RGS6: variants seen among roughly 807,000 people sequenced by gnomAD.
RGS6 encodes regulator of G protein signaling 6, also known as regulator of G-protein signaling 6.
In RGS6, 30 loss-of-function variants were observed where a neutral mutation model predicts 78.5. The observed-to-expected ratio is 0.38, with a 90% confidence interval of 0.29 to 0.52. The LOEUF is 0.52. Ranked by LOEUF, RGS6 falls within the 20% of genes least tolerant of loss-of-function variation. The pLI, the probability that RGS6 is intolerant of heterozygous loss-of-function variation, is 0.85. For missense variants in RGS6, 495 were observed against 609.7 expected (o/e 0.81, Z 1.98); for synonymous variants, 206 against 206.0 (o/e 1.00, Z 0.00).
intron 2 of RGS6, among the ~76,000 whole-genome samples, chr14:72,266,971 A>G (rs1220257051): frequency 6.6e-6 from 1 of 150,994 alleles, no homozygotes; most frequent in African/African-American, 2.4e-5. Context: ...TATACTACCC[A>G]TGAGCTAAGC....
intron 1 of RGS6, among the ~76,000 whole-genome samples, chr14:71,940,782 C>A (rs1328252893): frequency 2.0e-5 from 3 of 152,182 alleles, no homozygotes; most frequent in Non-Finnish European, 4.4e-5. Flanking sequence ...GCAGGTGCTG[C>A]CCTCCCAAGT....
At chr14:72,598,984 G>C in the RGS6 span, among the ~76,000 whole-genome samples, 1 of 151,878 alleles carries the variant, frequency 6.6e-6, no homozygotes, top group Non-Finnish European at 1.5e-5. Flanking sequence ...GGCATTGGGA[G>C]ACCCAGTGCA....
chr14:72,575,447 G>C, the RGS6 span, among the ~76,000 whole-genome samples: 1 of 152,092 alleles, frequency 6.6e-6, no homozygotes, highest in Non-Finnish European at 1.5e-5. Context: ...AGGGTGAGGA[G>C]AGGATAGGAC....
chr14:72,237,321 A>G (rs976887797), intron 2 of RGS6, among the ~76,000 whole-genome samples: 4 of 152,156 alleles, frequency 2.6e-5, no homozygotes, highest in Non-Finnish European at 5.9e-5. Flanking sequence ...GTTCTTATGC[A>G]AGTCTTTTTG....
rs1227342445 is a variant in RGS6 at position 72,297,728 on chromosome 14, T to G, written c.85-54367T>G. Among the ~76,000 whole-genome samples the G allele has an allele frequency of 5.3e-5, 8 of 151,776 alleles. No homozygotes were observed. The South Asian group carries it at 1.7e-3, about 32-fold the overall frequency. ...CTGAGAATGATGATTTCCAGGGACATGGATGAAATTGGAAATCATCATTCT... is the reference window on the plus strand; with the variant it reads ...CTGAGAATGATGATTTCCAGGGACAGGGATGAAATTGGAAATCATCATTCT... On this transcript the variant is annotated intron_variant, in intron 2 of 17. Coordinates refer to ENST00000553525, the MANE Select transcript of RGS6 (RefSeq NM_001204424.2).
At chr14:72,056,820 T>C (rs1315057410) in intron 2 of RGS6, among the ~76,000 whole-genome samples, 6 of 152,196 alleles carry the variant, frequency 3.9e-5, no homozygotes, top group Non-Finnish European at 8.8e-5. Context: ...CAATAAACTT[T>C]TAAGTTTAAT....
intron 2 of RGS6, among the ~76,000 whole-genome samples, chr14:72,154,049 C>T (rs556836962): frequency 2.4e-4 from 37 of 152,180 alleles, no homozygotes; most frequent in Non-Finnish European, 3.5e-4. Context: ...TTATAGACCT[C>T]GCCCCAGGAA....
intron 2 of RGS6, among the ~76,000 whole-genome samples, chr14:72,340,184 T>C (rs1170050477): frequency 6.6e-6 from 1 of 152,138 alleles, no homozygotes; most frequent in African/African-American, 2.4e-5. Flanking sequence ...GCTTATAAAT[T>C]GTGAGGAGAG....
At chr14:72,278,348 A>G (rs981952697) in intron 2 of RGS6, among the ~76,000 whole-genome samples, 1 of 152,342 alleles carries the variant, frequency 6.6e-6, no homozygotes, top group South Asian at 2.1e-4. Context: ...TTGGGGAGGC[A>G]GATGAGAAGA....
chr14:71,902,330 A>G, the RGS6 span, among the ~76,000 whole-genome samples: 79,685 of 152,072 alleles, frequency 0.52, 23,991 homozygotes, highest in Non-Finnish European at 0.67. Context: ...GTAACTCACT[A>G]TTTCCATAGT....
intron 1 of RGS6, among the ~76,000 whole-genome samples, chr14:71,944,219 T>C (rs2091122784): frequency 6.6e-6 from 1 of 152,240 alleles, no homozygotes; most frequent in African/African-American, 2.4e-5. Context: ...CATATGGTTG[T>C]GGGCTGATCT....
chr14:71,982,908 A>T (rs2094531341), intron 2 of RGS6, among the ~76,000 whole-genome samples: 1 of 152,206 alleles, frequency 6.6e-6, no homozygotes, highest in Non-Finnish European at 1.5e-5. Context: ...AGAACCCCAG[A>T]ACATTGGCCT....
intron 6 of RGS6, among the ~76,000 whole-genome samples, 180 bp from the exon 7 acceptor site, chr14:72,465,550 CTGGATGGATGGATGGATGGATGGATGGA>C (rs563552344): frequency 9.1e-6 from 1 of 110,308 alleles, no homozygotes; most frequent in Non-Finnish European, 1.8e-5. Flanking sequence ...GGCGGGCTGT[CTGGATGGATGGATGGATGGATGGATGGA>C]TGGATGGATG....
the RGS6 span, among the ~76,000 whole-genome samples, chr14:72,591,463 A>T: frequency 6.6e-6 from 1 of 152,182 alleles, no homozygotes; most frequent in Admixed American, 6.5e-5. Context: ...CTGGAGAACT[A>T]AATTTGATCT....
the RGS6 span, among the ~76,000 whole-genome samples, chr14:71,876,473 C>CTTTTTTTTT: frequency 1.4e-5 from 1 of 72,468 alleles, no homozygotes; most frequent in Admixed American, 1.9e-4. Context: ...GCAACCGCTG[C>CTTTTTTTTT]TTTTTTTTTT....
At chr14:72,087,515 A>G (rs1447024792) in intron 2 of RGS6, among the ~76,000 whole-genome samples, 1 of 152,200 alleles carries the variant, frequency 6.6e-6, no homozygotes, top group Non-Finnish European at 1.5e-5. Flanking sequence ...ATAGATACAT[A>G]CAACATGGGT....
chr14:72,314,760 A>G (rs964052955), intron 2 of RGS6, among the ~76,000 whole-genome samples: 2 of 152,226 alleles, frequency 1.3e-5, no homozygotes, highest in African/African-American at 4.8e-5. Context: ...ACTCCAAGTT[A>G]TGGAAATTTA....
chr14:71,935,343 A>G (rs770247089), intron 1 of RGS6, among the ~76,000 whole-genome samples: 23 of 152,342 alleles, frequency 1.5e-4, no homozygotes, highest in Middle Eastern at 3.4e-3. Flanking sequence ...CACTGTTAAC[A>G]TATCTTTAAC....
chr14:72,328,989 A>G (rs1410665247), intron 2 of RGS6, among the ~76,000 whole-genome samples: 1 of 152,192 alleles, frequency 6.6e-6, no homozygotes, highest in Non-Finnish European at 1.5e-5. Context: ...CTCCTGCTTC[A>G]TCCTCCCAAA....
Sources: allele counts gnomAD v4.1 joint callset (sites outside exome capture counted in the v4.1 genomes callset), GRCh38; gene constraint gnomAD v4.1.1; transcripts MANE v1.5; gene names NCBI Gene and HGNC (gene_info 2026-07-23, HGNC 2026-07-21).